PNKP: variants seen among roughly 807,000 people sequenced by gnomAD.
PNKP encodes bifunctional polynucleotide phosphatase/kinase.
Under a neutral mutation model 66.2 loss-of-function variants are expected in PNKP, and 82 were observed. The observed-to-expected ratio is 1.24, with a 90% confidence interval of 1.04 to 1.49. The LOEUF is 1.49. Ranked by LOEUF, PNKP falls within the 40% of genes most tolerant of loss-of-function variation. The pLI is 0.00. For missense variants in PNKP, 907 were observed against 706.8 expected, an observed-to-expected ratio of 1.28 and a Z score of -3.21; for synonymous variants, 412 against 298.9, an observed-to-expected ratio of 1.38 and a Z score of -3.90.
At position 49,863,704 on chromosome 19, in the gene PNKP, G is replaced by T; in HGVS notation, c.801C>A (p.Asp267Glu). Reference protein sequence around the residue: ...LYRKPVTGMWDHLQEQANDGT... With the variant: ...LYRKPVTGMWEHLQEQANDGT... ...CAAGACTCACCTGCTCCTGCAGATG[G>T]TCCCACATGCCCGTCACCGGCTTCC... Residue 267 changes from aspartate (D) to glutamate (E), a missense_variant, in exon 8 of 17, where the codon GAC becomes GAA. Asp to Glu is a conservative substitution (Grantham distance 45). Transcript: ENST00000322344. 2 of 1,555,736 alleles carry T rather than the reference G, an allele frequency of 1.3e-6. No homozygotes were observed. Among genetic ancestry groups the T allele is most frequent in the Non-Finnish European group, 1.7e-6 (2 of 1,149,006 alleles).
chr19:49,864,677 T>C (rs1454859121), intron 4 of PNKP, among the ~76,000 whole-genome samples: 1 of 152,230 alleles, frequency 6.6e-6, no homozygotes, highest in Non-Finnish European at 1.5e-5. Flanking sequence ...CCCAGCCTCC[T>C]TCTTCCCCTG....
chr19:49,861,287 C>G lies in PNKP; in HGVS notation c.1527G>C (p.Pro509=). 2 of 1,613,898 alleles carry G rather than the reference C, an allele frequency of 1.2e-6. No individual in the cohort carries two copies. The highest frequency in any genetic ancestry group is 1.7e-6 in the Non-Finnish European group (2 of 1,179,884). Residue 509 remains proline (P), a synonymous_variant, in exon 17 of 17, where the codon CCG becomes CCC. Transcript: ENST00000322344. The part of the protein sequence containing the change: ...LEIPFRLWVE[P]RLGRLYCQFS... ...ACTGGCAGTACAGCCGCCCCAGCCTCGGCTCCACCCATAGCCGGAACGGGA... is the reference window on the plus strand; with the variant it reads ...ACTGGCAGTACAGCCGCCCCAGCCTGGGCTCCACCCATAGCCGGAACGGGA...
chr19:49,866,506 TG>T (rs1303033815), intron 2 of PNKP, 61 bp from the exon 3 acceptor site: 2 of 1,507,756 alleles, frequency 1.3e-6, no homozygotes, highest in Admixed American at 1.7e-5. Context: ...CCCTCATTTC[TG>T]GGGAGTGTGG....
intron 7 of PNKP, 71 bp downstream of exon 7, chr19:49,863,893 C>G: frequency 7.1e-7 from 1 of 1,417,698 alleles, no homozygotes; most frequent in East Asian, 2.3e-5. Context: ...CCCCGCTTAC[C>G]CTGGAGTCTA....
chr19:49,866,798 T>G, intron 2 of PNKP: 1 of 599,352 alleles, frequency 1.7e-6, no homozygotes, highest in Non-Finnish European at 3.0e-6. Flanking sequence ...CGTCGCCTGT[T>G]TCTGGATTTC....
In PNKP at chr19:49,861,324, G is replaced by A. The variant is rs1162575677; in HGVS notation, c.1490C>T (p.Ala497Val). The change falls in exon 17 of 17, where the codon GCC becomes GTC. Residue 497 changes from alanine (A) to valine (V), a missense_variant. Ala to Val is a moderately conservative substitution (Grantham distance 64). Transcript: ENST00000322344. ...EAPTLAEGFS[A>V]ILEIPFRLWV... is the part of the protein sequence containing the mutation. ...TAGCCGGAACGGGATCTCCAGGATGGCAGAGAAGCCTTCAGCCAGCGTTGG... is the reference window on the plus strand; with the variant it reads ...TAGCCGGAACGGGATCTCCAGGATGACAGAGAAGCCTTCAGCCAGCGTTGG... 1.2e-6 allele frequency: 2 copies of A among 1,614,038 alleles called. No homozygotes were observed. Among genetic ancestry groups the A allele is most frequent in the African/African-American group, 1.3e-5 (1 of 74,924 alleles).
Position 49,862,293 on chromosome 19 carries a change from G to A in PNKP, c.1030-12C>T, listed in dbSNP as rs746041621. 5 of 1,570,672 alleles carry A rather than the reference G, an allele frequency of 3.2e-6. No individual in the cohort carries two copies. The highest frequency in any genetic ancestry group is 3.8e-5 in the Admixed American group (2 of 53,276). On this transcript the variant is annotated splice_polypyrimidine_tract_variant and intron_variant, in intron 11 of 16. Transcript: ENST00000322344. ...CGGGAGACAGTCCTCTGCGAGGGGC[G>A]GGGGACACGCGTGAGATGCCGTCCC...
Position 49,861,283 on chromosome 19 carries a change from G to A in PNKP, c.1531C>T (p.Leu511=), listed in dbSNP as rs1423615371. Residue 511 remains leucine, a synonymous_variant, in exon 17 of 17, where the codon CTG becomes TTG. Coordinates refer to ENST00000322344, the MANE Select transcript of PNKP (RefSeq NM_007254.4). ...GAGAACTGGCAGTACAGCCGCCCCA[G>A]CCTCGGCTCCACCCATAGCCGGAAC... ...IPFRLWVEPR[L]GRLYCQFSEG The A allele has an allele frequency of 1.2e-6, 2 of 1,613,644 alleles. No individual in the cohort carries two copies. The highest frequency in any genetic ancestry group is 1.7e-6 in the Non-Finnish European group (2 of 1,179,644).
intron 8 of PNKP, 28 bp downstream of exon 8, chr19:49,863,660 AG>A (rs1250295992): frequency 2.0e-6 from 3 of 1,529,754 alleles, no homozygotes; most frequent in Non-Finnish European, 2.7e-6. Context: ...GAGGAAAAGG[AG>A]GGGGGCCGGG....
In PNKP at chr19:49,867,542, G is replaced by C. The variant is rs1424884460; in HGVS notation, c.-87C>G. 1 of 366,170 alleles carries C rather than the reference G, an allele frequency of 2.7e-6. No homozygotes were observed. The highest frequency in any genetic ancestry group is 5.1e-6 in the Non-Finnish European group (1 of 195,498). The allele number at this position is 366,170 out of a possible 1,614,324, so 22.7% of individuals were successfully genotyped here. Reference sequence around the variant, plus strand: ...GCCCGAGGTGCCCCGCCTGCAACCCGGCCGGCGGCGGTCGGTTCCTCGGCG... The same window carrying C: ...GCCCGAGGTGCCCCGCCTGCAACCCCGCCGGCGGCGGTCGGTTCCTCGGCG... On this transcript the variant is annotated 5_prime_UTR_variant, in exon 1 of 17. Transcript: ENST00000322344.
In PNKP at chr19:49,867,145, G is replaced by A. The variant is rs1037495706; in HGVS notation, c.60C>T (p.Pro20=). 11 of 1,612,660 alleles carry A rather than the reference G, an allele frequency of 6.8e-6. No homozygotes were observed. The highest frequency in any genetic ancestry group is 1.3e-5 in the African/African-American group (1 of 74,942). The change falls in exon 2 of 17, where the codon CCC becomes CCT. Residue 20 remains proline, a synonymous_variant. Transcript: ENST00000322344. ...LWLESPPGGA[P]PIFLPSDGQA... is the part of the protein sequence containing the mutation. Reference sequence around the variant, plus strand: ...GCCCGTCCGAGGGCAGGAAGATGGGGGGCGCTCCCCCAGGGGGGCTCTCGA... The same window carrying A: ...GCCCGTCCGAGGGCAGGAAGATGGGAGGCGCTCCCCCAGGGGGGCTCTCGA...
chr19:49,861,984 G>A, intron 13 of PNKP, 60 bp downstream of exon 13: 1 of 1,601,126 alleles, frequency 6.2e-7, no homozygotes, highest in African/African-American at 1.3e-5. Flanking sequence ...CCCCAAACCA[G>A]TTGAGAGGTG....
rs1289362536 is a variant in PNKP, at chr19:49,864,400, C to T, written c.502G>A (p.Ala168Thr). ...AGCGTCCCGTCCAGATCAAAGCCAG[C>T]CACCTGGTGTCACCAAGGAAAGACA... is the stretch of plus-strand genomic sequence containing the variant. ...AAGVKPQGKV[A>T]GFDLDGTLIT... The change falls in exon 5 of 17, where the codon GCT (alanine) becomes ACT (threonine). Residue 168 changes from alanine to threonine, a missense_variant. Transcript: ENST00000322344. The T allele has an allele frequency of 1.2e-6, 2 of 1,612,686 alleles. No individual in the cohort carries two copies. Among genetic ancestry groups the T allele is most frequent in the Non-Finnish European group, 8.5e-7 (1 of 1,178,802 alleles).
Position 49,863,841 on chromosome 19 carries a change from G to T in PNKP, c.745-81C>A, listed in dbSNP as rs188629681. 9,753 of 1,408,510 alleles carry T rather than the reference G, an allele frequency of 6.9e-3. 68 individuals carry two copies. Among genetic ancestry groups the T allele is most frequent in the South Asian group, 0.018 (1,509 of 81,822 alleles). 87.3% of individuals were successfully genotyped at this position (1,408,510 alleles called of 1,614,324 possible). ...CCACCCCAGCCCAGAATTTGTAGCTGATGATGGGTTCCTATCAGCATCACA... is the reference window on the plus strand; with the variant it reads ...CCACCCCAGCCCAGAATTTGTAGCTTATGATGGGTTCCTATCAGCATCACA... On this transcript the variant is annotated intron_variant, in intron 7 of 16. Transcript: ENST00000322344.
chr19:49,866,438 C>G lies in PNKP; in HGVS notation c.159G>C (p.Leu53=). Reference sequence around the variant, plus strand: ...CTGTCCGGGTCTCAGGATCTGCGACCAGCTCCACTGAGGATTGGAGGGGTG... The same window carrying G: ...CTGTCCGGGTCTCAGGATCTGCGACGAGCTCCACTGAGGATTGGAGGGGTG... ...DRKCSRTQVE[L]VADPETRTVA... The change falls in exon 3 of 17, where the codon CTG becomes CTC. Residue 53 remains leucine (L), a synonymous_variant. Coordinates refer to ENST00000322344, the MANE Select transcript of PNKP (RefSeq NM_007254.4). 6.2e-7 allele frequency: 1 copy of G among 1,614,184 alleles called. No individual in the cohort carries two copies. The highest frequency in any genetic ancestry group is 8.5e-7 in the Non-Finnish European group (1 of 1,179,998).
At chr19:49,865,084 C>G (rs1380158051) in intron 4 of PNKP, 43 bp downstream of exon 4, 1 of 1,577,298 alleles carries the variant, frequency 6.3e-7, no homozygotes, top group East Asian at 2.2e-5. Context: ...GGGATTGGGT[C>G]CCAGTCTGTG....
intron 11 of PNKP, 37 bp downstream of exon 11, chr19:49,862,334 T>TCCCATC (rs1568660009): frequency 5.2e-6 from 7 of 1,343,604 alleles, no homozygotes; most frequent in Non-Finnish European, 6.2e-6. Context: ...CCGGGAGCCC[T>TCCCATC]CCCATCCCCA....
chr19:49,865,113 G>A lies in PNKP; in HGVS notation c.498+14C>T, dbSNP rs748430215. 1.4e-5 allele frequency: 22 copies of A among 1,610,998 alleles called. No homozygotes were observed. Among genetic ancestry groups the A allele is most frequent in the East Asian group, 4.5e-5 (2 of 44,874 alleles). On this transcript the variant is annotated intron_variant, in intron 4 of 16. Coordinates refer to ENST00000322344, the MANE Select transcript of PNKP (RefSeq NM_007254.4). The stretch of plus-strand genomic sequence containing the variant: ...GTCTGTGGCGGCTCCCTCAGCCCTC[G>A]GCGTGGCCCTCACCTTGCCCTGGGG...
At chr19:49,864,580 C>T (rs1215642278) in intron 4 of PNKP, among the ~76,000 whole-genome samples, 177 bp from the exon 5 acceptor site, 2 of 152,156 alleles carry the variant, frequency 1.3e-5, no homozygotes, top group Non-Finnish European at 1.5e-5. Flanking sequence ...CTGAGTGGGG[C>T]CCGACATCTT....
Sources: allele counts gnomAD v4.1 joint callset (sites outside exome capture counted in the v4.1 genomes callset), GRCh38; gene constraint gnomAD v4.1.1; transcripts MANE v1.5; gene names NCBI Gene and HGNC (gene_info 2026-07-23, HGNC 2026-07-21).